Variants in MIEF1 observed in about 807,000 individuals in gnomAD.
MIEF1 encodes mitochondrial dynamics protein MIEF1.
MIEF1 carries 14 observed loss-of-function variants against 35.1 expected under a neutral mutation model. The ratio of observed to expected loss-of-function variants is 0.40; its 90% CI spans 0.26 to 0.62. The LOEUF (loss-of-function observed/expected upper bound fraction) is 0.62. MIEF1 is among the 20% of genes least tolerant of loss of function. MIEF1 has a pLI of 0.43. For missense variants in MIEF1, 542 were observed against 615.4 expected, an observed-to-expected ratio of 0.88 and a Z score of 1.26; for synonymous variants, 245 against 254.3, an observed-to-expected ratio of 0.96 and a Z score of 0.35.
At chr22:39,510,153 T>G (rs1238868239) in intron 2 of MIEF1, among the ~76,000 whole-genome samples, 1 of 152,182 alleles carries the variant, frequency 6.6e-6, no homozygotes, top group Non-Finnish European at 1.5e-5. Flanking sequence ...TGACGGGGTT[T>G]CTCCATGTTG....
rs1443246534 is a variant in MIEF1, at chr22:39,515,580, CAG to C, written c.*1260_*1261del. 1.5e-5 allele frequency: 8 copies of C among 535,360 alleles called. No homozygotes were observed. Among genetic ancestry groups the C allele is most frequent in the Non-Finnish European group, 2.3e-5 (7 of 302,816 alleles). 33.2% of individuals were successfully genotyped at this position (535,360 alleles called of 1,614,324 possible). A position where few individuals can be genotyped will look rare whatever the true frequency, so the allele number is the denominator to read the frequency against. On this transcript the variant is annotated 3_prime_UTR_variant, in exon 6 of 6. Transcript: ENST00000325301. ...CAAGGAAGAGAGCACACAGATAAGA[CAG>C]AGGGGAGGAGGTGGGCATTTCCTAC...
chr22:39,503,348 C>T, intron 1 of MIEF1: 1 of 152,208 alleles, frequency 6.6e-6, no homozygotes, highest in East Asian at 1.9e-4. Flanking sequence ...TCGAACATTG[C>T]ACGTTGTATA....
chr22:39,510,819 A>G lies in MIEF1; in HGVS notation c.-7-469A>G, dbSNP rs12160259. On this transcript the variant is annotated intron_variant, in intron 2 of 5. Transcript: ENST00000325301. ...CCCCTGTGAAGGGGTAGAGACCTGCATTATAACCCCTGTGAAGGGGTAGAG... is the reference window on the plus strand; with the variant it reads ...CCCCTGTGAAGGGGTAGAGACCTGCGTTATAACCCCTGTGAAGGGGTAGAG... Among the ~76,000 whole-genome samples the G allele has an allele frequency of 1.5e-4, 22 of 149,422 alleles. 1 individual carries two copies. Among genetic ancestry groups the G allele is most frequent in the African/African-American group, 5.6e-4 (22 of 39,200 alleles).
chr22:39,517,876 C>A lies in MIEF1; in HGVS notation c.*3553C>A. On this transcript the variant is annotated 3_prime_UTR_variant, in exon 6 of 6. Transcript: ENST00000325301. ...ACCTTGTAGTCTTTAAATTCTTGGT[C>A]CCTGAGGCCAAGTCCACAACTTGCC... is the stretch of plus-strand genomic sequence containing the variant. 1 of 239,574 alleles carries A rather than the reference C, an allele frequency of 4.2e-6. No homozygotes were observed. The highest frequency in any genetic ancestry group is 2.3e-5 in the African/African-American group (1 of 43,440). The allele number at this position is 239,574 out of a possible 1,614,324, so 14.8% of individuals were successfully genotyped here.
At chr22:39,503,481 A>G (rs1929860292) in intron 1 of MIEF1, 1 of 152,208 alleles carries the variant, frequency 6.6e-6, no homozygotes, top group African/African-American at 2.4e-5. Context: ...GTAAGGGTTT[A>G]TTGTTACTGA....
chr22:39,500,777 C>T (rs1929663321), upstream of MIEF1, among the ~76,000 whole-genome samples: 1 of 152,128 alleles, frequency 6.6e-6, no homozygotes, highest in East Asian at 1.9e-4. Flanking sequence ...TCACTGCAAC[C>T]TCTGCCTCCC....
In MIEF1 at chr22:39,511,326, A is replaced by C. The variant is rs377585123; in HGVS notation, c.32A>C (p.Lys11Thr). ...GGCGCTGGTGAGCGCAAAGGCAAGA[A>C]GGATGACAATGGCATTGGCACGGCC... MAGAGERKGK[K>T]DDNGIGTAID... Residue 11 changes from lysine to threonine, a missense_variant, in exon 3 of 6, where the codon AAG becomes ACG. Lys to Thr is a moderately conservative substitution (Grantham distance 78). Transcript: ENST00000325301. 5 of 1,613,916 alleles carry C rather than the reference A, an allele frequency of 3.1e-6. No individual in the cohort carries two copies. The highest frequency in any genetic ancestry group is 4.2e-6 in the Non-Finnish European group (5 of 1,179,936).
Position 39,517,353 on chromosome 22 carries a change from T to G in MIEF1, c.*3030T>G, listed in dbSNP as rs994381847. The G allele has an allele frequency of 3.7e-6, 1 of 269,166 alleles. No homozygotes were observed. Among genetic ancestry groups the G allele is most frequent in the African/African-American group, 2.2e-5 (1 of 44,484 alleles). 16.7% of individuals were successfully genotyped at this position (269,166 alleles called of 1,614,324 possible). ...TTTTCTTTACATGCTTGGTTATGAC[T>G]TTTAAAGTTTTATTTAAATAAATGT... On this transcript the variant is annotated 3_prime_UTR_variant, in exon 6 of 6. Coordinates refer to ENST00000325301, the MANE Select transcript of MIEF1 (RefSeq NM_019008.6).
At position 39,515,625 on chromosome 22, in the gene MIEF1, G is replaced by A. The variant is rs538896607; in HGVS notation, c.*1302G>A. The A allele has an allele frequency of 1.0e-5, 5 of 480,604 alleles. No homozygotes were observed. The highest frequency in any genetic ancestry group is 7.8e-5 in the African/African-American group (4 of 51,500). The allele number at this position is 480,604 out of a possible 1,614,324, so 29.8% of individuals were successfully genotyped here. ...TTTCCTACATTCCTCCTTGTTTGCC[G>A]CTGCTGAGATTGCAGTATTTATTGC... is the stretch of plus-strand genomic sequence containing the variant. On this transcript the variant is annotated 3_prime_UTR_variant, in exon 6 of 6. Transcript: ENST00000325301.
upstream of MIEF1, chr22:39,501,920 G>A (rs1183314296): frequency 6.6e-6 from 1 of 152,600 alleles, no homozygotes; most frequent in African/African-American, 2.4e-5. Flanking sequence ...GAATATTAGT[G>A]TTAGAATTCC....
chr22:39,514,130 C>A lies in MIEF1; in HGVS notation c.1199C>A (p.Ser400Tyr), dbSNP rs781048132. The A allele has an allele frequency of 9.3e-6, 15 of 1,614,100 alleles. No individual in the cohort carries two copies. Among genetic ancestry groups the A allele is most frequent in the Non-Finnish European group, 1.2e-5 (14 of 1,180,050 alleles). ...LHLAQEEADW[S>Y]PDMLADRFLQ... Reference sequence around the variant, plus strand: ...TTGGCCCAGGAGGAGGCTGACTGGTCTCCGGATATGCTGGCCGACCGTTTC... The same window carrying A: ...TTGGCCCAGGAGGAGGCTGACTGGTATCCGGATATGCTGGCCGACCGTTTC... Residue 400 changes from serine (S) to tyrosine (Y), a missense_variant, in exon 6 of 6, where the codon TCT (serine) becomes TAT (tyrosine). By Grantham distance (144) the Ser-to-Tyr change is moderately radical. Coordinates refer to ENST00000325301, the MANE Select transcript of MIEF1 (RefSeq NM_019008.6).
intron 1 of MIEF1, chr22:39,503,563 T>G (rs1291219581): frequency 6.6e-6 from 1 of 152,240 alleles, no homozygotes; most frequent in Non-Finnish European, 1.5e-5. Context: ...TAGGTGCTAC[T>G]AATAATATCT....
chr22:39,514,443 C>T lies in MIEF1; in HGVS notation c.*120C>T. On this transcript the variant is annotated 3_prime_UTR_variant, in exon 6 of 6. Transcript: ENST00000325301. Reference sequence around the variant, plus strand: ...CTGCCTGGTGTCTTGCTGATCATCACCCTGGTCACTTCATGCTGATTAGAA... The same window carrying T: ...CTGCCTGGTGTCTTGCTGATCATCATCCTGGTCACTTCATGCTGATTAGAA... 1.1e-6 allele frequency: 1 copy of T among 909,524 alleles called. No homozygotes were observed. Among genetic ancestry groups the T allele is most frequent in the Admixed American group, 2.3e-5 (1 of 43,922 alleles). The allele number at this position is 909,524 out of a possible 1,614,324, so 56.3% of individuals were successfully genotyped here.
rs1419485691 is a variant in MIEF1 at position 39,514,300 on chromosome 22, C to T, written c.1369C>T (p.Pro457Ser). ...CACTCTGTATTGCTCATTGTCTGAG[C>T]CAGAGGTGCTGCTGCAGACGTAGGG... ...GYTLYCSLSE[P>S]EVLLQT Residue 457 changes from proline (P) to serine (S), a missense_variant, in exon 6 of 6, where the codon CCA (proline) becomes TCA (serine). Transcript: ENST00000325301. 1.9e-6 allele frequency: 3 copies of T among 1,613,734 alleles called. No homozygotes were observed. The highest frequency in any genetic ancestry group is 2.7e-5 in the African/African-American group (2 of 75,030).
intron 2 of MIEF1, among the ~76,000 whole-genome samples, chr22:39,506,453 C>T (rs1930020912): frequency 6.6e-6 from 1 of 152,188 alleles, no homozygotes; most frequent in African/African-American, 2.4e-5. Flanking sequence ...ACAGAAACTA[C>T]TCAGTTTCTT....
rs376325306 is a variant in MIEF1 at position 39,507,503 on chromosome 22, C to T, written c.-8+2969C>T. Among the ~76,000 whole-genome samples the T allele has an allele frequency of 2.2e-3, 330 of 151,764 alleles. 7 individuals are homozygous for T. The Middle Eastern group carries it at 0.054, about 25-fold the overall frequency. ...CTCGTGATCTGCCCACCTTGGCCTC[C>T]CAAAGTGTTGGGATTACAGGCGTGA... On this transcript the variant is annotated intron_variant, in intron 2 of 5. Coordinates refer to ENST00000325301, the MANE Select transcript of MIEF1 (RefSeq NM_019008.6).
intron 5 of MIEF1, 40 bp downstream of exon 5, chr22:39,512,534 T>A: frequency 6.3e-7 from 1 of 1,578,134 alleles, no homozygotes. Flanking sequence ...GTTTGAGTGC[T>A]GAGCACCATA....
Position 39,513,825 on chromosome 22 carries a change from G to A in MIEF1, c.894G>A (p.Leu298=). 1.2e-6 allele frequency: 2 copies of A among 1,614,110 alleles called. No homozygotes were observed. The highest frequency in any genetic ancestry group is 8.5e-7 in the Non-Finnish European group (1 of 1,180,036). The change falls in exon 6 of 6, where the codon CTG becomes CTA. Residue 298 remains leucine, a synonymous_variant. Transcript: ENST00000325301. The stretch of plus-strand genomic sequence containing the variant: ...CCCCACCCCCAGAAGCCCTCACACT[G>A]GAGGTGCAGTATGAGCGTGACAAAC... ...RPAPPPEALT[L]EVQYERDKHL...
rs1183278071 is a variant in MIEF1, at chr22:39,516,159, G to GT, written c.*1838dup. ...GTCTGTTGGTCAGACTCAAATGAGAGTTAAAAAAAAAAAAAAAAATCTGTA... is the reference window on the plus strand; with the variant it reads ...GTCTGTTGGTCAGACTCAAATGAGAGTTTAAAAAAAAAAAAAAAAATCTGTA... On this transcript the variant is annotated 3_prime_UTR_variant, in exon 6 of 6. Coordinates refer to ENST00000325301, the MANE Select transcript of MIEF1 (RefSeq NM_019008.6). The GT allele has an allele frequency of 8.1e-4, 59 of 72,772 alleles. No homozygotes were observed. Among genetic ancestry groups the GT allele is most frequent in the Admixed American group, 2.8e-3 (17 of 5,986 alleles). 4.5% of individuals were successfully genotyped at this position (72,772 alleles called of 1,614,324 possible).
Sources: gnomAD v4.1 joint callset for allele counts (sites outside exome capture counted in the v4.1 genomes callset) on GRCh38, gnomAD v4.1.1 for gene constraint, MANE v1.5 for transcripts, NCBI Gene and HGNC (gene_info 2026-07-23, HGNC 2026-07-21) for gene names.